Variants in PCDHGA2 observed in about 807,000 individuals in gnomAD.
The protein encoded by PCDHGA2 is protocadherin gamma-A2.
A neutral mutation model predicts 59.2 loss-of-function variants in PCDHGA2; 40 were observed. That is an observed-to-expected ratio of 0.68 (90% confidence interval 0.52 to 0.88). The LOEUF (loss-of-function observed/expected upper bound fraction) is 0.88. PCDHGA2 is among the 40% of genes least tolerant of loss of function. The pLI is 0.00. For synonymous variants in PCDHGA2, 560 were observed against 526.0 expected (o/e 1.06, Z -0.89); for missense variants, 1,226 against 1,204.0 (o/e 1.02, Z -0.27).
At chr5:141,460,231 G>A (rs911633731) in intron 1 of PCDHGA2, among the ~76,000 whole-genome samples, 3 of 152,028 alleles carry the variant, frequency 2.0e-5, no homozygotes, top group Non-Finnish European at 4.4e-5. Context: ...CTTTTGAAGA[G>A]CAGAAGATGT....
At chr5:141,448,850 C>A (rs1227646790) in intron 1 of PCDHGA2, among the ~76,000 whole-genome samples, 1 of 152,048 alleles carries the variant, frequency 6.6e-6, no homozygotes, top group Non-Finnish European at 1.5e-5. Context: ...GAGGCTGAGG[C>A]AGGAGAATGG....
intron 1 of PCDHGA2, chr5:141,417,858 C>A (rs561149517): frequency 1.3e-6 from 2 of 1,547,240 alleles, no homozygotes; most frequent in African/African-American, 1.4e-5. Context: ...CCCGAGCGAA[C>A]GATGGGAGGG....
chr5:141,490,933 C>T lies in PCDHGA2; in HGVS notation c.2425-3874C>T, dbSNP rs781291690. ...CGAGAATGATAATGCCCCAGCTGTG[C>T]TGCACCCACGGCCAGACTGGGAACA... On this transcript the variant is annotated intron_variant, in intron 1 of 3. Transcript: ENST00000394576. The surrounding 1 kb of genome is among the most constrained non-coding windows in gnomAD (Gnocchi z 5.4). 5.0e-6 allele frequency: 8 copies of T among 1,613,702 alleles called. No individual in the cohort carries two copies. The highest frequency in any genetic ancestry group is 5.9e-6 in the Non-Finnish European group (7 of 1,179,770).
At chr5:141,404,063 G>A in intron 1 of PCDHGA2, 1 of 1,613,798 alleles carries the variant, frequency 6.2e-7, no homozygotes, top group Non-Finnish European at 8.5e-7. Context: ...TCTTTTCAAT[G>A]CTCATGACCG....
intron 1 of PCDHGA2, chr5:141,419,779 GCGCCTGCTAGT>G: frequency 6.2e-7 from 1 of 1,614,064 alleles, no homozygotes; most frequent in Non-Finnish European, 8.5e-7. Flanking sequence ...CGGTCCGCCA[GCGCCTGCTAGT>G]CGCTGTAAGA....
chr5:141,344,790 G>C (rs1271015462), intron 1 of PCDHGA2: 1 of 1,613,972 alleles, frequency 6.2e-7, no homozygotes, highest in African/African-American at 1.3e-5. Context: ...GAGTGTTTGG[G>C]AGAACGTGCC....
chr5:141,477,502 C>A lies in PCDHGA2; in HGVS notation c.2425-17305C>A, dbSNP rs2099412065. On this transcript the variant is annotated intron_variant, in intron 1 of 3. Coordinates refer to ENST00000394576, the MANE Select transcript of PCDHGA2 (RefSeq NM_018915.4). This position sits in a 1 kb window ranked among gnomAD's most constrained non-coding sequence, Gnocchi z 4.9. ...CTCCACAATCTTCTCAATCTTCCTA[C>A]GACGTTTACATTGAAGAAAACAACC... The A allele has an allele frequency of 9.3e-6, 15 of 1,614,026 alleles. No homozygotes were observed. The highest frequency in any genetic ancestry group is 1.3e-5 in the Non-Finnish European group (15 of 1,180,026).
chr5:141,344,657 C>A, intron 1 of PCDHGA2: 1 of 1,613,996 alleles, frequency 6.2e-7, no homozygotes, highest in Non-Finnish European at 8.5e-7. Flanking sequence ...AAGAAATTCA[C>A]CAGCTTGTCC....
rs1396618267 is a variant in PCDHGA2, at chr5:141,421,234, A to T, written c.2425-73573A>T. On this transcript the variant is annotated intron_variant, in intron 1 of 3. Coordinates refer to ENST00000394576, the MANE Select transcript of PCDHGA2 (RefSeq NM_018915.4). ...TATCGGCTTAGAGCCTGCCATGGCG[A>T]ATCGGCTACAGCGCGGGGACCGCAG... 7 of 1,593,656 alleles carry T rather than the reference A, an allele frequency of 4.4e-6. No homozygotes were observed. In the African/African-American group the frequency reaches 9.4e-5, roughly 21 times the overall value.
rs1041367498 is a variant in PCDHGA2 at position 141,489,060 on chromosome 5, T to G, written c.2425-5747T>G. ...CAGCTCCACTCAAATTCAGCTCCCCTCCCCCCTGCCCACCCCCGCCACTCG... is the reference window on the plus strand; with the variant it reads ...CAGCTCCACTCAAATTCAGCTCCCCGCCCCCCTGCCCACCCCCGCCACTCG... On this transcript the variant is annotated intron_variant, in intron 1 of 3. Transcript: ENST00000394576. This position sits in a 1 kb window ranked among gnomAD's most constrained non-coding sequence, Gnocchi z 4.5. The G allele has an allele frequency of 1.7e-5, 5 of 300,224 alleles. No individual in the cohort carries two copies. The highest frequency in any genetic ancestry group is 2.4e-5 in the African/African-American group (1 of 42,484). The allele number at this position is 300,224 out of a possible 1,614,324, so 18.6% of individuals were successfully genotyped here.
At chr5:141,363,691 T>C (rs927918619) in intron 1 of PCDHGA2, among the ~76,000 whole-genome samples, 2 of 152,250 alleles carry the variant, frequency 1.3e-5, no homozygotes, top group Non-Finnish European at 2.9e-5. Flanking sequence ...ATAACTTACA[T>C]AAATCAGTAG....
chr5:141,370,490 G>C (rs780342479), intron 1 of PCDHGA2: 2 of 1,613,894 alleles, frequency 1.2e-6, no homozygotes, highest in South Asian at 1.1e-5. Flanking sequence ...TCTCCGAACC[G>C]ATCCGCTACG....
In PCDHGA2 at chr5:141,355,301, C is replaced by T. The variant is rs1426106263; in HGVS notation, c.2424+13906C>T. On this transcript the variant is annotated intron_variant, in intron 1 of 3. Coordinates refer to ENST00000394576, the MANE Select transcript of PCDHGA2 (RefSeq NM_018915.4). ...ATCAGGGCCGAACAGATTCTCTACT[C>T]GGTGTTTGAGGAGCAGGAAGAAGGC... 1.9e-5 allele frequency: 31 copies of T among 1,613,786 alleles called. No homozygotes were observed. In the Admixed American group the frequency reaches 4.7e-4, roughly 24 times the overall value.
intron 1 of PCDHGA2, chr5:141,403,053 C>A: frequency 6.2e-7 from 1 of 1,614,076 alleles, no homozygotes; most frequent in Non-Finnish European, 8.5e-7. Context: ...ATTCGCTACT[C>A]AGTGCCTGAA....
chr5:141,362,549 T>C (rs1762561997), intron 1 of PCDHGA2: 1 of 1,612,502 alleles, frequency 6.2e-7, no homozygotes, highest in Admixed American at 1.7e-5. Context: ...TCAGATACTA[T>C]TTTGAAGGTG....
intron 1 of PCDHGA2, chr5:141,410,073 G>T: frequency 6.2e-7 from 1 of 1,612,940 alleles, no homozygotes; most frequent in South Asian, 1.1e-5. Context: ...CTGCGCACTG[G>T]GGAGGTGCGC....
intron 1 of PCDHGA2, among the ~76,000 whole-genome samples, chr5:141,460,093 A>T (rs2098981983): frequency 6.6e-6 from 1 of 151,964 alleles, no homozygotes. Flanking sequence ...TAATAATTAT[A>T]CATGTAATTA....
In PCDHGA2 at chr5:141,346,558, G is replaced by C. The variant is rs763459310; in HGVS notation, c.2424+5163G>C. ...ATTTGAGAAATAAAGCCATGAGGTTGTCATTAGTCCTTTGACTAAATATTT... is the reference window on the plus strand; with the variant it reads ...ATTTGAGAAATAAAGCCATGAGGTTCTCATTAGTCCTTTGACTAAATATTT... On this transcript the variant is annotated intron_variant, in intron 1 of 3. Coordinates refer to ENST00000394576, the MANE Select transcript of PCDHGA2 (RefSeq NM_018915.4). The C allele has an allele frequency of 1.5e-5, 22 of 1,488,910 alleles. No individual in the cohort carries two copies. The South Asian group carries it at 2.8e-4, about 19-fold the overall frequency. 92.2% of individuals were successfully genotyped at this position (1,488,910 alleles called of 1,614,324 possible).
Position 141,339,642 on chromosome 5 carries a change from G to T in PCDHGA2, c.671G>T (p.Gly224Val). ...GATGGGGGTGACCCAGTGCTATCTGGCACCTCCCGCATCTGCGTGAAGGTC... is the reference window on the plus strand; with the variant it reads ...GATGGGGGTGACCCAGTGCTATCTGTCACCTCCCGCATCTGCGTGAAGGTC... Reference protein sequence around the residue: ...ASDGGDPVLSGTSRICVKVLD... With the variant: ...ASDGGDPVLSVTSRICVKVLD... Residue 224 changes from glycine (G) to valine (V), a missense_variant, in exon 1 of 4, where the codon GGC becomes GTC. Gly to Val is a moderately radical substitution (Grantham distance 109). Coordinates refer to ENST00000394576, the MANE Select transcript of PCDHGA2 (RefSeq NM_018915.4). 1.9e-6 allele frequency: 3 copies of T among 1,614,146 alleles called. No homozygotes were observed. Among genetic ancestry groups the T allele is most frequent in the Non-Finnish European group, 2.5e-6 (3 of 1,180,020 alleles).
Sources: allele counts gnomAD v4.1 joint callset (sites outside exome capture counted in the v4.1 genomes callset), GRCh38; gene constraint gnomAD v4.1.1; non-coding constraint Gnocchi (gnomAD v3.1); transcripts MANE v1.5; gene names NCBI Gene and HGNC (gene_info 2026-07-23, HGNC 2026-07-21).